Variants in NRG3 observed in about 807,000 individuals in gnomAD.
NRG3 encodes the protein pro-neuregulin-3, membrane-bound isoform.
A neutral mutation model predicts 66.9 loss-of-function variants in NRG3; 31 were observed. The observed-to-expected ratio is 0.46, with a 90% CI of 0.35 to 0.63. NRG3 has a LOEUF of 0.63. Ranked by LOEUF, NRG3 falls within the 20% of genes least tolerant of loss-of-function variation. The pLI, the probability that NRG3 is intolerant of heterozygous loss-of-function variation, is 0.00. For synonymous variants in NRG3, 393 were observed against 359.4 expected, an observed-to-expected ratio of 1.09 and a Z score of -1.06; for missense variants, 910 against 878.9, an observed-to-expected ratio of 1.04 and a Z score of -0.45.
chr10:82,849,786 A>G (rs2063478641), intron 3 of NRG3, among the ~76,000 whole-genome samples: 1 of 152,142 alleles, frequency 6.6e-6, no homozygotes, highest in Non-Finnish European at 1.5e-5. Flanking sequence ...GGAGAGGGGA[A>G]AGGTAGGAGG....
intron 1 of NRG3, among the ~76,000 whole-genome samples, chr10:82,017,761 C>A (rs1231849314): frequency 6.6e-6 from 1 of 152,092 alleles, no homozygotes; most frequent in Non-Finnish European, 1.5e-5. Context: ...CTGTTCATAT[C>A]CTTCGCCCAC....
rs113540325 is a variant in NRG3, at chr10:82,694,746, C to G, written c.954-43831C>G. Among the ~76,000 whole-genome samples, 787 of 152,026 alleles carry G rather than the reference C, an allele frequency of 5.2e-3. 5 individuals carry two copies. The highest frequency in any genetic ancestry group is 0.018 in the African/African-American group (747 of 41,460). The stretch of plus-strand genomic sequence containing the variant: ...TCTAGCCTGGGTGACAGAGTTTAAC[C>G]CTGTCTCTAAAAGAAAAAAAGAAAG... On this transcript the variant is annotated intron_variant, in intron 2 of 8. Transcript: ENST00000372141.
intron 1 of NRG3, among the ~76,000 whole-genome samples, chr10:82,100,437 A>C: frequency 6.6e-6 from 1 of 152,046 alleles, no homozygotes; most frequent in Admixed American, 6.6e-5. Flanking sequence ...GATGATGTAT[A>C]ATGGACTTTC....
chr10:82,717,993 C>G (rs984503747), intron 2 of NRG3, among the ~76,000 whole-genome samples: 1 of 152,114 alleles, frequency 6.6e-6, no homozygotes, highest in Non-Finnish European at 1.5e-5. Context: ...CACCCTCTTC[C>G]CGAAAAGGAG....
chr10:81,968,116 G>C (rs1248300417), intron 1 of NRG3, among the ~76,000 whole-genome samples: 1 of 152,146 alleles, frequency 6.6e-6, no homozygotes, highest in Non-Finnish European at 1.5e-5. Context: ...AGGGGCCCCT[G>C]CTCTGTGCCC....
At chr10:82,314,653 T>TA (rs199640745) in intron 1 of NRG3, among the ~76,000 whole-genome samples, 15,716 of 151,646 alleles carry the variant, frequency 0.1, 1,050 homozygotes, top group Non-Finnish European at 0.16. Flanking sequence ...CTAAAAATAT[T>TA]TAAAAAATTA....
intron 4 of NRG3, among the ~76,000 whole-genome samples, chr10:82,887,829 TG>T (rs781455056): frequency 6.6e-6 from 1 of 152,232 alleles, no homozygotes; most frequent in Non-Finnish European, 1.5e-5. Flanking sequence ...TATTATTTGT[TG>T]TTGAACATAT....
intron 1 of NRG3, among the ~76,000 whole-genome samples, chr10:82,141,745 C>A (rs1469124600): frequency 2.6e-5 from 4 of 152,054 alleles, no homozygotes; most frequent in African/African-American, 9.7e-5. Context: ...ATAACTACTG[C>A]TAAAATAAAG....
intron 3 of NRG3, among the ~76,000 whole-genome samples, chr10:82,786,677 G>T (rs1023224911): frequency 2.6e-5 from 4 of 152,144 alleles, no homozygotes; most frequent in Non-Finnish European, 2.9e-5. Context: ...TTTATTTTGT[G>T]TGTGAGAATG....
intron 1 of NRG3, among the ~76,000 whole-genome samples, chr10:81,878,567 A>G (rs964156859): frequency 2.0e-5 from 3 of 152,172 alleles, no homozygotes; most frequent in African/African-American, 7.2e-5. Context: ...CTGTAGGATG[A>G]AAAAAGCCTG....
intron 2 of NRG3, among the ~76,000 whole-genome samples, chr10:82,537,000 A>T (rs1847876379): frequency 6.6e-6 from 1 of 151,938 alleles, no homozygotes; most frequent in South Asian, 2.1e-4. Context: ...CTAAACTTGG[A>T]GAAAGTAGGT....
intron 1 of NRG3, among the ~76,000 whole-genome samples, chr10:81,995,045 C>G (rs2060884963): frequency 6.6e-6 from 1 of 152,062 alleles, no homozygotes; most frequent in Non-Finnish European, 1.5e-5. Flanking sequence ...GTATCTCCCA[C>G]TCACAACATT....
At chr10:82,246,643 T>C (rs879340997) in intron 1 of NRG3, among the ~76,000 whole-genome samples, 2 of 152,032 alleles carry the variant, frequency 1.3e-5, no homozygotes, top group African/African-American at 2.4e-5. Flanking sequence ...AAAAGAGGGG[T>C]TAAATATGTC....
At chr10:82,721,468 G>A (rs1034793577) in intron 2 of NRG3, among the ~76,000 whole-genome samples, 1 of 149,410 alleles carries the variant, frequency 6.7e-6, no homozygotes, top group Non-Finnish European at 1.5e-5. Context: ...TGTCGCCCAG[G>A]CTGGAGTGCA....
intron 3 of NRG3, among the ~76,000 whole-genome samples, chr10:82,806,738 A>T (rs1424642813): frequency 1.3e-5 from 2 of 152,194 alleles, no homozygotes; most frequent in South Asian, 2.1e-4. Flanking sequence ...AGAGAAGATG[A>T]TGTAGATGAC....
intron 1 of NRG3, among the ~76,000 whole-genome samples, chr10:82,028,697 T>C (rs1288021274): frequency 2.0e-5 from 3 of 152,236 alleles, no homozygotes; most frequent in South Asian, 2.1e-4. Flanking sequence ...CTTATTGTTA[T>C]AGAAATCTGC....
intron 8 of NRG3, among the ~76,000 whole-genome samples, chr10:82,979,764 T>C (rs2132654025): frequency 6.6e-6 from 1 of 152,292 alleles, no homozygotes; most frequent in Non-Finnish European, 1.5e-5. Context: ...TGTTAACCAT[T>C]ATCCATGTAG....
intron 1 of NRG3, among the ~76,000 whole-genome samples, chr10:82,278,552 G>A (rs528807834): frequency 1.2e-4 from 18 of 152,236 alleles, no homozygotes; most frequent in African/African-American, 3.6e-4. Context: ...CCTCGTCGAG[G>A]TTCGTGCAAA....
intron 3 of NRG3, among the ~76,000 whole-genome samples, chr10:82,846,226 C>G (rs2483294): frequency 0.34 from 51,720 of 151,774 alleles, 9,140 homozygotes; most frequent in African/African-American, 0.45. Context: ...AGGCTTTTTT[C>G]TAACCAGTGG....
Sources: gnomAD v4.1 joint callset for allele counts (sites outside exome capture counted in the v4.1 genomes callset) on GRCh38, gnomAD v4.1.1 for gene constraint, MANE v1.5 for transcripts, NCBI Gene and HGNC (gene_info 2026-07-23, HGNC 2026-07-21) for gene names.